Variants in PFKFB1 observed in about 807,000 individuals in gnomAD.
PFKFB1 encodes the protein 6-phosphofructo-2-kinase/fructose-2,6-biphosphatase 1, also known as 6-phosphofructo-2-kinase/fructose-2,6-bisphosphatase 1.
Under a neutral mutation model 46.4 loss-of-function variants are expected in PFKFB1, and 34 were observed. That is an observed-to-expected ratio of 0.73 (90% confidence interval 0.56 to 0.98). PFKFB1 has a LOEUF of 0.98. PFKFB1 is among the 50% of genes least tolerant of loss of function. The probability of loss-of-function intolerance (pLI) is 0.00; values close to 1 mark genes in which losing one functional copy is unlikely to be tolerated. For synonymous variants in PFKFB1, 119 were observed against 133.8 expected, an observed-to-expected ratio of 0.89 and a Z score of 0.76; for missense variants, 393 against 376.3, an observed-to-expected ratio of 1.04 and a Z score of -0.37.
intron 10 of PFKFB1, among the ~76,000 whole-genome samples, chrX:54,941,591 T>C (rs984060316): frequency 1.8e-5 from 2 of 111,915 alleles, no homozygotes; most frequent in Admixed American, 1.9e-4. Flanking sequence ...AGGATATGAA[T>C]AGACACTTCT....
chrX:54,967,368 A>G (rs1051821275), intron 1 of PFKFB1, among the ~76,000 whole-genome samples: 1 of 112,159 alleles, frequency 8.9e-6, no homozygotes, highest in Non-Finnish European at 1.9e-5. Flanking sequence ...GTGAAGAAAC[A>G]GAAGATATAA....
At chrX:54,944,604 G>A (rs903706798) in intron 10 of PFKFB1, among the ~76,000 whole-genome samples, 19 of 111,719 alleles carry the variant, frequency 1.7e-4, no homozygotes, top group African/African-American at 5.5e-4. Flanking sequence ...GATAAAATAC[G>A]TTTTTAGGCA....
intron 1 of PFKFB1, among the ~76,000 whole-genome samples, chrX:54,965,583 T>C (rs1022795716): frequency 3.6e-5 from 4 of 111,649 alleles, no homozygotes; most frequent in African/African-American, 1.3e-4. Flanking sequence ...AAGAGGGTTA[T>C]GATATAGGTC....
At chrX:54,942,849 G>A (rs1005190548) in intron 10 of PFKFB1, among the ~76,000 whole-genome samples, 3 of 111,885 alleles carry the variant, frequency 2.7e-5, no homozygotes, top group Non-Finnish European at 3.8e-5. Context: ...ATAAAAAATA[G>A]TCATTAAAAT....
intron 9 of PFKFB1, among the ~76,000 whole-genome samples, chrX:54,948,576 C>T (rs1201993291): frequency 8.9e-6 from 1 of 112,208 alleles, no homozygotes; most frequent in African/African-American, 3.2e-5. Context: ...GCTGTCCCAG[C>T]CTCTGTGCTA....
chrX:54,960,662 A>G (rs1328906101), intron 3 of PFKFB1, among the ~76,000 whole-genome samples, 162 bp downstream of exon 3: 4 of 109,675 alleles, frequency 3.6e-5, no homozygotes, highest in Non-Finnish European at 5.7e-5. Flanking sequence ...TTGACCAGAA[A>G]CAGGATTTGG....
chrX:54,940,493 C>T (rs1384351616), intron 10 of PFKFB1, among the ~76,000 whole-genome samples: 3 of 111,597 alleles, frequency 2.7e-5, no homozygotes, highest in Admixed American at 9.5e-5. Context: ...TTAGAAAACC[C>T]CATCGTCTCA....
At chrX:54,994,891 G>C, upstream of PFKFB1, 2 of 748,301 alleles carry the variant, frequency 2.7e-6, no homozygotes, top group Non-Finnish European at 3.2e-6. Flanking sequence ...GGAGGTGGGG[G>C]AATGGTAAGC....
In PFKFB1 at chrX:54,956,240, C is replaced by T; in HGVS notation, c.551G>A (p.Cys184Tyr). ...VKLGSPDYID[C>Y]DREKVLEDFL... ...GTCTTCCAGAACCTTTTCCCGGTCACAGTCTATATAATCAGGGCTGCCAAG... is the reference window on the plus strand; with the variant it reads ...GTCTTCCAGAACCTTTTCCCGGTCATAGTCTATATAATCAGGGCTGCCAAG... The change falls in exon 7 of 14, where the codon TGT becomes TAT. Residue 184 changes from cysteine to tyrosine, a missense_variant. By Grantham distance (194) the Cys-to-Tyr change is radical. Coordinates refer to ENST00000375006, the MANE Select transcript of PFKFB1 (RefSeq NM_002625.4). 1 of 1,211,464 alleles carries T rather than the reference C, an allele frequency of 8.3e-7. No homozygotes were observed. The highest frequency in any genetic ancestry group is 1.1e-6 in the Non-Finnish European group (1 of 895,219).
chrX:54,952,888 G>A (rs1441737215), intron 7 of PFKFB1, among the ~76,000 whole-genome samples: 1 of 109,832 alleles, frequency 9.1e-6, no homozygotes, highest in East Asian at 2.9e-4. Flanking sequence ...AAGCAGTGGG[G>A]CATGGGGATA....
At chrX:54,954,097 A>T (rs1316881989) in intron 7 of PFKFB1, among the ~76,000 whole-genome samples, 1 of 112,081 alleles carries the variant, frequency 8.9e-6, no homozygotes, top group Admixed American at 9.4e-5. Flanking sequence ...AAAAATTTTT[A>T]AATTTTTATT....
chrX:54,951,825 C>A, intron 8 of PFKFB1, 80 bp downstream of exon 8: 1 of 829,618 alleles, frequency 1.2e-6, no homozygotes, highest in Non-Finnish European at 1.7e-6. Context: ...CCTCAGGACC[C>A]AGAATGTGGC....
chrX:54,973,221 T>G (rs1934734030), intron 1 of PFKFB1, among the ~76,000 whole-genome samples: 1 of 111,608 alleles, frequency 9.0e-6, no homozygotes, highest in Non-Finnish European at 1.9e-5. Context: ...TCTATTTGCT[T>G]CTTCTCCCTT....
At chrX:54,971,787 G>A (rs1164471576) in intron 1 of PFKFB1, among the ~76,000 whole-genome samples, 3 of 111,915 alleles carry the variant, frequency 2.7e-5, no homozygotes, top group African/African-American at 9.8e-5. Context: ...CTCCAGCTTT[G>A]TTCTTTTGGC....
intron 1 of PFKFB1, among the ~76,000 whole-genome samples, chrX:54,974,840 A>C (rs1374112680): frequency 1.8e-5 from 2 of 111,960 alleles, no homozygotes; most frequent in Non-Finnish European, 1.9e-5. Flanking sequence ...ACAGCGAACA[A>C]ACACATGAAA....
intron 1 of PFKFB1, among the ~76,000 whole-genome samples, chrX:54,978,547 A>G (rs375221507): frequency 5.4e-5 from 6 of 111,628 alleles, no homozygotes; most frequent in African/African-American, 1.9e-4. Flanking sequence ...AAATTTCCAC[A>G]AATTAGTTGA....
chrX:54,933,237 T>C lies in PFKFB1; in HGVS notation c.*166A>G. 2.2e-6 allele frequency: 1 copy of C among 460,180 alleles called. No individual in the cohort carries two copies. The highest frequency in any genetic ancestry group is 3.8e-6 in the Non-Finnish European group (1 of 260,210). The allele number at this position is 460,180 out of a possible 1,213,427, so 37.9% of individuals were successfully genotyped here. Reference sequence around the variant, plus strand: ...TTTCCTCCAGAGCTAGATAGCTCCTTGGTTGCGGCCAGCAAGCGAGGCTTG... The same window carrying C: ...TTTCCTCCAGAGCTAGATAGCTCCTCGGTTGCGGCCAGCAAGCGAGGCTTG... On this transcript the variant is annotated 3_prime_UTR_variant, in exon 14 of 14. Coordinates refer to ENST00000375006, the MANE Select transcript of PFKFB1 (RefSeq NM_002625.4).
intron 7 of PFKFB1, among the ~76,000 whole-genome samples, chrX:54,955,180 G>A (rs968687009): frequency 5.4e-5 from 6 of 111,676 alleles, no homozygotes; most frequent in African/African-American, 2.0e-4. Context: ...TATATATTGT[G>A]CTACTGACTC....
At chrX:54,940,235 C>T (rs765302428) in intron 10 of PFKFB1, among the ~76,000 whole-genome samples, 7 of 111,474 alleles carry the variant, frequency 6.3e-5, no homozygotes, top group South Asian at 3.8e-4. Context: ...ATTGATGGGA[C>T]GTATCTCAAA....
Sources: allele counts gnomAD v4.1 joint callset (sites outside exome capture counted in the v4.1 genomes callset), GRCh38; gene constraint gnomAD v4.1.1; transcripts MANE v1.5; gene names NCBI Gene and HGNC (gene_info 2026-07-23, HGNC 2026-07-21).